ROPN1L: variants seen among roughly 807,000 people sequenced by gnomAD.
ROPN1L encodes the protein rhophilin associated tail protein 1 like, also known as ropporin-1-like protein.
ROPN1L carries 23 observed loss-of-function variants against 22.7 expected under a neutral mutation model. That is an observed-to-expected ratio of 1.01 (90% CI 0.73 to 1.43). The LOEUF (loss-of-function observed/expected upper bound fraction) is 1.43, where lower values mean the gene tolerates loss of function less well. Ranked by LOEUF, ROPN1L falls within the 40% of genes most tolerant of loss-of-function variation. The probability of loss-of-function intolerance (pLI) is 0.00; values close to 1 mark genes in which losing one functional copy is unlikely to be tolerated. For missense variants in ROPN1L, 271 were observed against 291.5 expected (o/e 0.93, Z 0.51); for synonymous variants, 116 against 117.8 (o/e 0.98, Z 0.10).
intron 3 of ROPN1L, among the ~76,000 whole-genome samples, chr5:10,453,003 C>A (rs1741302464): frequency 6.6e-6 from 1 of 152,212 alleles, no homozygotes; most frequent in South Asian, 2.1e-4. Flanking sequence ...TAAATTGACA[C>A]CAGGAATCAT....
At chr5:10,470,701 A>C (rs1388823879) in intron 4 of ROPN1L, among the ~76,000 whole-genome samples, 1 of 152,090 alleles carries the variant, frequency 6.6e-6, no homozygotes, top group Non-Finnish European at 1.5e-5. Flanking sequence ...CCCACCTCAA[A>C]CCCCAGTCCC....
intron 3 of ROPN1L, among the ~76,000 whole-genome samples, chr5:10,454,931 C>T (rs1369237041): frequency 6.6e-6 from 1 of 152,160 alleles, no homozygotes; most frequent in East Asian, 1.9e-4. Flanking sequence ...CCTAGTGGCT[C>T]CATAGCCCAA....
downstream of ROPN1L, among the ~76,000 whole-genome samples, chr5:10,466,654 C>T (rs1240178943): frequency 6.6e-6 from 1 of 152,122 alleles, no homozygotes; most frequent in Non-Finnish European, 1.5e-5. Context: ...GTGATGAGGC[C>T]CGTCCCTGCT....
the ROPN1L span, among the ~76,000 whole-genome samples, chr5:10,482,536 G>T: frequency 2.0e-5 from 3 of 152,254 alleles, no homozygotes; most frequent in Admixed American, 2.0e-4. Context: ...GCTCTGAAAG[G>T]TTAGGAGAGA....
chr5:10,469,120 A>C (rs975568795), downstream of ROPN1L, among the ~76,000 whole-genome samples: 2 of 152,132 alleles, frequency 1.3e-5, no homozygotes, highest in Non-Finnish European at 2.9e-5. Flanking sequence ...GTGCCACTGC[A>C]CTCCAGCCTG....
At chr5:10,479,864 C>G in the ROPN1L span, among the ~76,000 whole-genome samples, 3 of 152,194 alleles carry the variant, frequency 2.0e-5, no homozygotes, top group African/African-American at 7.2e-5. Context: ...CCTGCCTCAG[C>G]CTCCCAAGTA....
downstream of ROPN1L, among the ~76,000 whole-genome samples, chr5:10,468,951 C>T (rs576244370): frequency 6.7e-4 from 101 of 151,498 alleles, no homozygotes; most frequent in African/African-American, 2.3e-3. Context: ...GTCAGGAGAT[C>T]GAGACCATCC....
At chr5:10,472,596 G>A (rs988199158), downstream of ROPN1L, among the ~76,000 whole-genome samples, 2 of 152,268 alleles carry the variant, frequency 1.3e-5, no homozygotes, top group Middle Eastern at 3.4e-3. Context: ...GTTGAAACAT[G>A]TTAGCTACTG....
intron 4 of ROPN1L, among the ~76,000 whole-genome samples, chr5:10,464,288 A>G (rs1312733462): frequency 6.6e-6 from 1 of 152,002 alleles, no homozygotes; most frequent in Admixed American, 6.6e-5. Flanking sequence ...TGTCCGCCTT[A>G]TTCTTGACAC....
intron 1 of ROPN1L, among the ~76,000 whole-genome samples, chr5:10,445,039 A>G (rs896643508): frequency 3.9e-5 from 6 of 152,070 alleles, no homozygotes; most frequent in African/African-American, 1.2e-4. Context: ...CACTGGTGCT[A>G]TCTAGGCTCA....
intron 3 of ROPN1L, among the ~76,000 whole-genome samples, chr5:10,453,956 A>G (rs988867750): frequency 3.9e-5 from 6 of 152,164 alleles, no homozygotes; most frequent in Non-Finnish European, 8.8e-5. Context: ...TGCTCTACTT[A>G]TTACATCAAA....
the ROPN1L span, among the ~76,000 whole-genome samples, chr5:10,482,597 C>A: frequency 1.6e-4 from 25 of 152,092 alleles, no homozygotes; most frequent in Non-Finnish European, 8.8e-5. Context: ...AATGGCCCAA[C>A]AAACTTGGGT....
chr5:10,457,943 C>G (rs1734881425), intron 3 of ROPN1L, among the ~76,000 whole-genome samples: 1 of 152,088 alleles, frequency 6.6e-6, no homozygotes, highest in Non-Finnish European at 1.5e-5. Flanking sequence ...AGCAGGAGCT[C>G]TCAGTCTGCC....
At position 10,448,390 on chromosome 5, in the gene ROPN1L, G is replaced by A; in HGVS notation, c.255+7G>A. The A allele has an allele frequency of 6.2e-7, 1 of 1,614,042 alleles. No homozygotes were observed. Among genetic ancestry groups the A allele is most frequent in the Non-Finnish European group, 8.5e-7 (1 of 1,180,010 alleles). ...GAAAGTTTTGCACAAGCAGGTATGG[G>A]GGGGCGTAGTCTCTGGCCTCAGGCA... On this transcript the variant is annotated splice_region_variant and intron_variant, in intron 2 of 4. Transcript: ENST00000274134.
intron 3 of ROPN1L, among the ~76,000 whole-genome samples, chr5:10,456,386 G>C (rs1248945123): frequency 1.3e-5 from 2 of 152,184 alleles, no homozygotes. Flanking sequence ...TATTCAGGAG[G>C]CTGAGGCAGG....
chr5:10,447,366 A>G lies in ROPN1L; in HGVS notation c.132-894A>G, dbSNP rs1341767367. On this transcript the variant is annotated intron_variant, in intron 1 of 4. Transcript: ENST00000274134. ...ACAGTTTCCCACTCTTGCCCCCAAC[A>G]TAAGCAGCAATATCAGTGTCCCAGA... 3.3e-5 allele frequency among the ~76,000 whole-genome samples: 5 copies of G among 152,146 alleles called. No individual in the cohort carries two copies. The East Asian group carries it at 7.7e-4, about 23-fold the overall frequency.
chr5:10,461,251 G>A lies in ROPN1L; in HGVS notation c.485G>A (p.Arg162His), dbSNP rs755410588. The part of the protein sequence containing the change: ...LTDDPEGGPA[R>H]IPFKTFSYVY... ...GACGATCCGGAGGGCGGGCCCGCTCGCATCCCCTTCAAGACGTTTTCCTAC... is the reference window on the plus strand; with the variant it reads ...GACGATCCGGAGGGCGGGCCCGCTCACATCCCCTTCAAGACGTTTTCCTAC... The change falls in exon 4 of 5, where the codon CGC (arginine) becomes CAC (histidine). Residue 162 changes from arginine to histidine, a missense_variant. Arg to His is a conservative substitution (Grantham distance 29, BLOSUM62 0). Transcript: ENST00000274134. 28 of 1,614,006 alleles carry A rather than the reference G, an allele frequency of 1.7e-5. No homozygotes were observed. Among genetic ancestry groups the A allele is most frequent in the South Asian group, 1.4e-4 (13 of 91,084 alleles).
Position 10,458,770 on chromosome 5 carries a change from C to T in ROPN1L, c.418-2414C>T, listed in dbSNP as rs187071882. Among the ~76,000 whole-genome samples the T allele has an allele frequency of 1.6e-3, 125 of 77,518 alleles. 1 individual carries two copies. Among genetic ancestry groups the T allele is most frequent in the African/African-American group, 5.4e-3 (115 of 21,284 alleles). 50.9% of individuals were successfully genotyped at this position (77,518 alleles called of 152,430 possible). A position where few individuals can be genotyped will look rare whatever the true frequency, so the allele number is the denominator to read the frequency against. On this transcript the variant is annotated intron_variant, in intron 3 of 4. Coordinates refer to ENST00000274134, the MANE Select transcript of ROPN1L (RefSeq NM_031916.5). ...CGTCCCCCCATGTACACCATCCCCT[C>T]GTGTACACCATTCCCCCGTGTACAC...
Position 10,445,796 on chromosome 5 carries a change from G to C in ROPN1L, c.132-2464G>C, listed in dbSNP as rs545038233. Among the ~76,000 whole-genome samples, 20 of 152,302 alleles carry C rather than the reference G, an allele frequency of 1.3e-4. No homozygotes were observed. In the East Asian group the frequency reaches 3.7e-3, roughly 28 times the overall value. On this transcript the variant is annotated intron_variant, in intron 1 of 4. Coordinates refer to ENST00000274134, the MANE Select transcript of ROPN1L (RefSeq NM_031916.5). ...AAATTAGCCGGCCATGGTGATGCATGTCTGTAATCCCAGCTATTCAGGATG... is the reference window on the plus strand; with the variant it reads ...AAATTAGCCGGCCATGGTGATGCATCTCTGTAATCCCAGCTATTCAGGATG...
Sources: allele counts gnomAD v4.1 joint callset (sites outside exome capture counted in the v4.1 genomes callset), GRCh38; gene constraint gnomAD v4.1.1; transcripts MANE v1.5; gene names NCBI Gene and HGNC (gene_info 2026-07-23, HGNC 2026-07-21).